Variants in NFATC1 observed in about 807,000 individuals in gnomAD.
NFATC1 encodes nuclear factor of activated T-cells, cytoplasmic 1.
In NFATC1, 22 loss-of-function variants were observed where a neutral mutation model predicts 76.0. The observed-to-expected ratio is 0.29, with a 90% CI of 0.21 to 0.41. The LOEUF (loss-of-function observed/expected upper bound fraction) is 0.41. Among genes scored for constraint, NFATC1 ranks in the 10% least tolerant of loss-of-function variants. The pLI, the probability that NFATC1 is intolerant of heterozygous loss-of-function variation, is 1.00. For synonymous variants in NFATC1, 704 were observed against 613.1 expected (o/e 1.15, Z -2.19); for missense variants, 1,357 against 1,337.7 (o/e 1.01, Z -0.23).
At chr18:79,429,089 T>G (rs1227439193) in intron 2 of NFATC1, among the ~76,000 whole-genome samples, 1 of 151,910 alleles carries the variant, frequency 6.6e-6, no homozygotes, top group East Asian at 1.9e-4. Context: ...GGTGTGGTGG[T>G]GGGCACCTGT....
chr18:79,421,244 C>T (rs868801716), intron 2 of NFATC1: 1 of 152,382 alleles, frequency 6.6e-6, no homozygotes, highest in Non-Finnish European at 1.5e-5. Context: ...GTGGGGCACC[C>T]CAGCTCCTCT....
intron 9 of NFATC1, chr18:79,497,652 A>G (rs980196178): frequency 5.3e-5 from 8 of 151,782 alleles, no homozygotes; most frequent in African/African-American, 1.7e-4. Context: ...ACATACGAAA[A>G]TGGATGTGTG....
rs1390597692 is a variant in NFATC1 at position 79,410,979 on chromosome 18, G to A, written c.704G>A (p.Arg235Gln). 16 of 1,604,012 alleles carry A rather than the reference G, an allele frequency of 1.0e-5. No homozygotes were observed. The highest frequency in any genetic ancestry group is 5.0e-5 in the Admixed American group (3 of 59,570). The change falls in exon 2 of 10, where the codon CGG becomes CAG. Residue 235 changes from arginine to glutamine, a missense_variant. This residue lies in a region of NFATC1 where 691 missense variants were observed against 613.1 expected (regional missense o/e 1.13). Coordinates refer to ENST00000427363, the MANE Select transcript of NFATC1 (RefSeq NM_001278669.2). This position sits in a 1 kb window ranked among gnomAD's most constrained non-coding sequence, Gnocchi z 6.7. ...LGACTLLGSP[R>Q]HSPSTSPRAS... ...GCCTGCACACTGCTGGGTTCCCCGC[G>A]GCACTCCCCCTCCACCTCGCCCCGC...
intron 8 of NFATC1, among the ~76,000 whole-genome samples, chr18:79,478,168 G>C (rs910922893): frequency 1.7e-5 from 2 of 117,914 alleles, no homozygotes; most frequent in South Asian, 2.9e-4. Flanking sequence ...CAGAGCCCCC[G>C]AGGAGCCAGG....
chr18:79,448,667 G>A (rs2087320608), intron 3 of NFATC1, 115 bp from the exon 4 acceptor site: 3 of 929,244 alleles, frequency 3.2e-6, no homozygotes, highest in Non-Finnish European at 3.3e-6. Flanking sequence ...AATAAAAAGG[G>A]GGCAGGGCAG....
intron 3 of NFATC1, among the ~76,000 whole-genome samples, chr18:79,439,014 G>A (rs566841055): frequency 6.6e-6 from 1 of 152,360 alleles, no homozygotes; most frequent in South Asian, 2.1e-4. Context: ...CGGGCCAGTG[G>A]TTCTGACTAA....
chr18:79,457,086 A>C (rs1399986328), intron 6 of NFATC1, among the ~76,000 whole-genome samples: 3 of 152,232 alleles, frequency 2.0e-5, no homozygotes, highest in African/African-American at 4.8e-5. Flanking sequence ...GTGGACAGAC[A>C]TCACTGTCGC....
chr18:79,411,470 C>G lies in NFATC1; in HGVS notation c.1195C>G (p.Pro399Ala). The G allele has an allele frequency of 6.0e-6, 9 of 1,509,226 alleles. No individual in the cohort carries two copies. Among genetic ancestry groups the G allele is most frequent in the Non-Finnish European group, 7.9e-6 (9 of 1,133,056 alleles). The allele number at this position is 1,509,226 out of a possible 1,614,324, so 93.5% of individuals were successfully genotyped here. The change falls in exon 2 of 10, where the codon CCC (proline) becomes GCC (alanine). Residue 399 changes from proline (P) to alanine (A), a missense_variant. Physicochemically the swap from Pro to Ala is conservative, Grantham distance 27. Around this residue, in one of 3 missense-constraint regions of NFATC1, gnomAD observed 691 missense variants for 613.1 expected, o/e 1.13. Transcript: ENST00000427363. ...VPQHPYQWAK[P>A]KPLSPTSYMS... ...GCAGCACCCCTACCAGTGGGCGAAG[C>G]CCAAGCCCCTGTCCCCTACGTCCTA...
At chr18:79,418,508 T>C (rs1362557361) in intron 2 of NFATC1, among the ~76,000 whole-genome samples, 1 of 152,164 alleles carries the variant, frequency 6.6e-6, no homozygotes, top group Non-Finnish European at 1.5e-5. Flanking sequence ...AGACTGGCCT[T>C]CTGCTCTCGT....
intron 1 of NFATC1, among the ~76,000 whole-genome samples, chr18:79,408,646 G>C (rs304935): frequency 0.15 from 22,749 of 152,198 alleles, 1,731 homozygotes; most frequent in Non-Finnish European, 0.18. Flanking sequence ...CTGGTGATTA[G>C]GGCACCTTGA....
chr18:79,520,976 C>T (rs1454313344), intron 9 of NFATC1, among the ~76,000 whole-genome samples: 8 of 71,958 alleles, frequency 1.1e-4, no homozygotes, highest in Admixed American at 4.3e-4. Flanking sequence ...GGGGGGCATC[C>T]GCTGATGTGT....
rs368950531 is a variant in NFATC1, at chr18:79,434,348, C to T, written c.1386+610C>T. ...TGTGGCTTCCTCACCTTCCTCACAC[C>T]TTGCGGGAAAGCCACGTGGAGTTAG... On this transcript the variant is annotated intron_variant, in intron 3 of 9. Coordinates refer to ENST00000427363, the MANE Select transcript of NFATC1 (RefSeq NM_001278669.2). 7.2e-5 allele frequency among the ~76,000 whole-genome samples: 11 copies of T among 152,350 alleles called. No individual in the cohort carries two copies. In the East Asian group the frequency reaches 1.9e-3, roughly 27 times the overall value.
intron 8 of NFATC1, among the ~76,000 whole-genome samples, chr18:79,472,913 A>G (rs961085232): frequency 3.9e-5 from 6 of 152,196 alleles, no homozygotes; most frequent in African/African-American, 9.6e-5. Flanking sequence ...CTCAAAGCAG[A>G]GATTCTCCTG....
intron 7 of NFATC1, among the ~76,000 whole-genome samples, chr18:79,462,630 T>C (rs1269939106): frequency 6.6e-6 from 1 of 152,226 alleles, no homozygotes; most frequent in African/African-American, 2.4e-5. Context: ...TTGATACAGT[T>C]GGATTGATCC....
intron 7 of NFATC1, among the ~76,000 whole-genome samples, chr18:79,462,896 A>G (rs1028785617): frequency 6.6e-6 from 1 of 150,530 alleles, no homozygotes; most frequent in Non-Finnish European, 1.5e-5. Flanking sequence ...CTCAGGGAAG[A>G]GCCCATCTCG....
intron 2 of NFATC1, among the ~76,000 whole-genome samples, chr18:79,433,174 C>T (rs2086658117): frequency 6.6e-6 from 1 of 152,196 alleles, no homozygotes; most frequent in Non-Finnish European, 1.5e-5. Flanking sequence ...AGTCAGTCAC[C>T]TGTCTCATGG....
chr18:79,482,840 G>A (rs527541771), intron 8 of NFATC1, among the ~76,000 whole-genome samples: 10 of 128,656 alleles, frequency 7.8e-5, no homozygotes, highest in Admixed American at 2.5e-4. Context: ...TAATTCCAGC[G>A]TGACCTGGTC....
rs746768849 is a variant in NFATC1 at position 79,411,121 on chromosome 18, G to A, written c.846G>A (p.Ser282=). 18 of 1,612,084 alleles carry A rather than the reference G, an allele frequency of 1.1e-5. No homozygotes were observed. Among genetic ancestry groups the A allele is most frequent in the Middle Eastern group, 1.6e-4 (1 of 6,082 alleles). ...GRQPPYSPHH[S]PTPSPHGSPR... ...AGCCGCCCTACTCACCCCACCACTC[G>A]CCCACGCCGTCCCCGCACGGCTCCC... is the stretch of plus-strand genomic sequence containing the variant. The change falls in exon 2 of 10, where the codon TCG becomes TCA. Residue 282 remains serine, a synonymous_variant. Transcript: ENST00000427363.
At chr18:79,521,299 G>T (rs1331989412) in intron 9 of NFATC1, among the ~76,000 whole-genome samples, 4 of 80,166 alleles carry the variant, frequency 5.0e-5, no homozygotes, top group Non-Finnish European at 9.9e-5. Context: ...GTGTGTGTGG[G>T]GGGGGGCGTC....
Sources: gnomAD v4.1 joint callset for allele counts (sites outside exome capture counted in the v4.1 genomes callset) on GRCh38, gnomAD v4.1.1 for gene constraint, gnomAD v4.1.1 regional missense constraint, Gnocchi (gnomAD v3.1) non-coding constraint, MANE v1.5 for transcripts, NCBI Gene and HGNC (gene_info 2026-07-23, HGNC 2026-07-21) for gene names.